PDE4B: variants seen among roughly 807,000 people sequenced by gnomAD.
The protein encoded by PDE4B is 3',5'-cyclic-AMP phosphodiesterase 4B.
PDE4B carries 20 observed loss-of-function variants against 82.2 expected under a neutral mutation model. The ratio of observed to expected loss-of-function variants is 0.24; its 90% CI spans 0.17 to 0.35. The LOEUF (loss-of-function observed/expected upper bound fraction) is 0.35. Among genes scored for constraint, PDE4B ranks in the 10% least tolerant of loss-of-function variants. PDE4B has a pLI of 1.00. For synonymous variants in PDE4B, 320 were observed against 318.9 expected (o/e 1.00, Z -0.04); for missense variants, 655 against 907.2 (o/e 0.72, Z 3.57).
At position 66,368,012 on chromosome 1, in the gene PDE4B, A is replaced by G; in HGVS notation, c.1609A>G (p.Lys537Glu). Residue 537 changes from lysine to glutamate, a missense_variant, in exon 15 of 17, where the codon AAA becomes GAA. Transcript: ENST00000341517. The part of the protein sequence containing the change: ...ADLKTMVETK[K>E]VTSSGVLLLD... ...CCTGAAGACAATGGTAGAAACGAAG[A>G]AAGTTACAAGTTCAGGCGTTCTTCT... is the stretch of plus-strand genomic sequence containing the variant. The G allele has an allele frequency of 6.2e-7, 1 of 1,613,954 alleles. No homozygotes were observed. Among genetic ancestry groups the G allele is most frequent in the Non-Finnish European group, 8.5e-7 (1 of 1,179,876 alleles).
chr1:66,063,912 T>G (rs905234462), intron 3 of PDE4B, among the ~76,000 whole-genome samples: 2 of 152,008 alleles, frequency 1.3e-5, no homozygotes, highest in Non-Finnish European at 2.9e-5. Context: ...ATGTTTTCTC[T>G]GAGTCCTCTG....
intron 1 of PDE4B, among the ~76,000 whole-genome samples, chr1:65,853,378 A>T (rs544608401): frequency 6.6e-6 from 1 of 152,092 alleles, no homozygotes; most frequent in Non-Finnish European, 1.5e-5. Flanking sequence ...ATCTAATGTT[A>T]TTATAGATAT....
chr1:66,106,436 G>T (rs899986899), intron 3 of PDE4B, among the ~76,000 whole-genome samples: 3 of 152,026 alleles, frequency 2.0e-5, no homozygotes, highest in Non-Finnish European at 4.4e-5. Context: ...TTGGTATCAG[G>T]ATGATGCTGG....
At chr1:66,202,019 T>C (rs1022036372) in intron 3 of PDE4B, among the ~76,000 whole-genome samples, 7 of 152,376 alleles carry the variant, frequency 4.6e-5, no homozygotes, top group African/African-American at 1.7e-4. Context: ...CTGCTTTGAA[T>C]GTGTCCCACA....
intron 1 of PDE4B, among the ~76,000 whole-genome samples, chr1:65,842,512 G>T (rs994344771): frequency 6.6e-6 from 1 of 152,102 alleles, no homozygotes; most frequent in South Asian, 2.1e-4. Flanking sequence ...TTCTGAGGAA[G>T]GAGGTATATT....
chr1:65,940,645 A>G (rs1194788770), intron 3 of PDE4B, among the ~76,000 whole-genome samples: 1 of 152,088 alleles, frequency 6.6e-6, no homozygotes, highest in African/African-American at 2.4e-5. Context: ...GAGGTCTGAG[A>G]AAAGAAGTCT....
At chr1:66,005,283 T>C (rs2100721600) in intron 3 of PDE4B, among the ~76,000 whole-genome samples, 1 of 54,392 alleles carries the variant, frequency 1.8e-5, no homozygotes, top group South Asian at 1.0e-3. Flanking sequence ...ACCCCACGGG[T>C]CTTTATATCA....
intron 7 of PDE4B, among the ~76,000 whole-genome samples, chr1:66,325,758 A>C (rs143088354): frequency 6.6e-6 from 1 of 152,270 alleles, no homozygotes; most frequent in Non-Finnish European, 1.5e-5. Flanking sequence ...TGTCAAATAC[A>C]TGTCAATATA....
At chr1:65,826,120 C>A (rs771867588) in intron 1 of PDE4B, among the ~76,000 whole-genome samples, 5 of 152,142 alleles carry the variant, frequency 3.3e-5, no homozygotes, top group Non-Finnish European at 7.3e-5. Flanking sequence ...CCAAAGTTCA[C>A]ATTTCATAGG....
rs1423399328 is a variant in PDE4B at position 65,913,269 on chromosome 1, C to T, written c.-46C>T. 1.3e-6 allele frequency: 2 copies of T among 1,564,144 alleles called. No homozygotes were observed. Among genetic ancestry groups the T allele is most frequent in the South Asian group, 2.2e-5 (2 of 89,854 alleles). On this transcript the variant is annotated 5_prime_UTR_variant, in exon 2 of 17. Coordinates refer to ENST00000341517, the MANE Select transcript of PDE4B (RefSeq NM_002600.4). Reference sequence around the variant, plus strand: ...GGTATTAAAAAGTGTCAGCAAACTGCATTGAATAACAGACATCCTAAGAGG... The same window carrying T: ...GGTATTAAAAAGTGTCAGCAAACTGTATTGAATAACAGACATCCTAAGAGG...
chr1:66,187,775 A>C (rs1163034394), intron 3 of PDE4B, among the ~76,000 whole-genome samples: 2 of 151,762 alleles, frequency 1.3e-5, no homozygotes, highest in African/African-American at 2.4e-5. Flanking sequence ...TGATCCTTTC[A>C]AAAAACCAGC....
intron 11 of PDE4B, 69 bp downstream of exon 11, chr1:66,363,335 A>C: frequency 1.3e-6 from 2 of 1,545,846 alleles, no homozygotes; most frequent in Non-Finnish European, 1.8e-6. Context: ...TTTCCATCTT[A>C]CTTTTCTGAT....
intron 3 of PDE4B, among the ~76,000 whole-genome samples, chr1:65,977,264 G>A (rs1650456639): frequency 6.6e-6 from 1 of 152,156 alleles, no homozygotes. Context: ...TTCTGATTCA[G>A]TAGGTAGCAA....
In PDE4B at chr1:66,294,201, G is replaced by A. The variant is rs72924489; in HGVS notation, c.634+28114G>A. Among the ~76,000 whole-genome samples the A allele has an allele frequency of 1.6e-3, 242 of 151,992 alleles. 1 individual carries two copies. Among genetic ancestry groups the A allele is most frequent in the African/African-American group, 5.4e-3 (222 of 41,456 alleles). ...ACCCTGGGTGACACAGCAATACTCC[G>A]TCTCAATTAAAATTAAAAAAAAAAA... On this transcript the variant is annotated intron_variant, in intron 7 of 16. Transcript: ENST00000341517.
intron 3 of PDE4B, among the ~76,000 whole-genome samples, chr1:66,154,403 G>A (rs1156566539): frequency 2.0e-5 from 3 of 152,132 alleles, no homozygotes; most frequent in Non-Finnish European, 2.9e-5. Context: ...ATGAGCATAT[G>A]TAGGGGACAG....
At chr1:66,314,556 G>A (rs1173618897) in intron 7 of PDE4B, among the ~76,000 whole-genome samples, 2 of 152,078 alleles carry the variant, frequency 1.3e-5, no homozygotes, top group Non-Finnish European at 2.9e-5. Flanking sequence ...GGGATTACAG[G>A]AACCCACCAC....
intron 3 of PDE4B, among the ~76,000 whole-genome samples, chr1:65,935,910 C>T (rs1402005682): frequency 2.6e-5 from 4 of 152,002 alleles, no homozygotes; most frequent in African/African-American, 9.7e-5. Flanking sequence ...ATACTCCAGC[C>T]TGGGCAACAA....
intron 7 of PDE4B, among the ~76,000 whole-genome samples, chr1:66,267,802 C>T (rs552772723): frequency 6.6e-6 from 1 of 152,078 alleles, no homozygotes; most frequent in South Asian, 2.1e-4. Flanking sequence ...CGTTTAGCCA[C>T]GGTTAGAAAA....
intron 3 of PDE4B, among the ~76,000 whole-genome samples, chr1:65,986,360 C>G (rs1650953917): frequency 6.6e-6 from 1 of 152,126 alleles, no homozygotes; most frequent in Non-Finnish European, 1.5e-5. Flanking sequence ...GCTGACTCTT[C>G]TTATGGAAGT....
Sources: allele counts gnomAD v4.1 joint callset (sites outside exome capture counted in the v4.1 genomes callset), GRCh38; gene constraint gnomAD v4.1.1; transcripts MANE v1.5; gene names NCBI Gene and HGNC (gene_info 2026-07-23, HGNC 2026-07-21).